Variants in RSF1 observed in about 807,000 individuals in gnomAD.
RSF1 encodes remodeling and spacing factor 1, also known as HBV pX-associated protein 8.
In RSF1, 13 loss-of-function variants were observed where a neutral mutation model predicts 145.2. The observed-to-expected ratio is 0.09, with a 90% confidence interval of 0.06 to 0.14. RSF1 has a LOEUF of 0.14. RSF1 is among the 10% of genes least tolerant of loss of function. RSF1 has a pLI of 1.00. For synonymous variants in RSF1, 577 were observed against 592.6 expected (o/e 0.97, Z 0.38); for missense variants, 1,517 against 1,718.2 (o/e 0.88, Z 2.07).
At chr11:77,749,442 T>C (rs561386160) in intron 2 of RSF1, among the ~76,000 whole-genome samples, 14 of 152,254 alleles carry the variant, frequency 9.2e-5, no homozygotes, top group African/African-American at 3.4e-4. Flanking sequence ...TGGCTGACTA[T>C]CCCAGAGGCT....
At chr11:77,675,342 C>T (rs1959673663) in intron 13 of RSF1, 86 bp from the exon 14 acceptor site, 1 of 972,142 alleles carries the variant, frequency 1.0e-6, no homozygotes, top group Non-Finnish European at 1.5e-6. Context: ...TTCTGGTGAG[C>T]CCAGTGAATC....
At position 77,663,782 on chromosome 11, in the gene RSF1, T is replaced by C. The variant is rs1451436422; in HGVS notation, c.*3135A>G. 1 of 152,248 alleles carries C rather than the reference T, an allele frequency of 6.6e-6. No individual in the cohort carries two copies. The highest frequency in any genetic ancestry group is 1.5e-5 in the Non-Finnish European group (1 of 68,038). The allele number at this position is 152,248 out of a possible 1,614,324, so 9.4% of individuals were successfully genotyped here. ...ACATATTTCAGTTCAAAGCTTCTGC[T>C]GTGTGAAAAGCTGACTAGTTTTCAA... On this transcript the variant is annotated 3_prime_UTR_variant, in exon 16 of 16. Transcript: ENST00000308488.
chr11:77,683,951 C>G, intron 10 of RSF1, 132 bp from the exon 11 acceptor site: 1 of 605,042 alleles, frequency 1.7e-6, no homozygotes, highest in East Asian at 2.8e-5. Context: ...TGATCCCCTC[C>G]AAAAGTGAAT....
chr11:77,790,876 C>T (rs948880953), intron 1 of RSF1, among the ~76,000 whole-genome samples: 1 of 152,168 alleles, frequency 6.6e-6, no homozygotes, highest in African/African-American at 2.4e-5. Flanking sequence ...GAGGGTATAG[C>T]CTCCTCCCTC....
intron 3 of RSF1, among the ~76,000 whole-genome samples, chr11:77,743,116 C>T (rs1023406754): frequency 1.3e-5 from 2 of 152,114 alleles, no homozygotes; most frequent in Non-Finnish European, 2.9e-5. Flanking sequence ...TGCTTTTTAC[C>T]AGTACCATGT....
intron 4 of RSF1, among the ~76,000 whole-genome samples, chr11:77,733,355 T>C (rs1381004111): frequency 1.3e-5 from 2 of 152,136 alleles, no homozygotes; most frequent in Non-Finnish European, 2.9e-5. Context: ...GCTATATATA[T>C]ATATATTCTT....
In RSF1 at chr11:77,684,996, T is replaced by TAAAA. The variant is rs1959966959; in HGVS notation, c.2955+108_2955+109insTTTT. 6 of 513,718 alleles carry TAAAA rather than the reference T, an allele frequency of 1.2e-5. No homozygotes were observed. In the South Asian group the frequency reaches 2.6e-4, roughly 22 times the overall value. The allele number at this position is 513,718 out of a possible 1,614,324, so 31.8% of individuals were successfully genotyped here. On this transcript the variant is annotated intron_variant, in intron 10 of 15. Transcript: ENST00000308488. ...GAACGAAACTCCATCTCGAAATAAA[T>TAAAA]AAATAAATAAATAAATAAATAAAAC...
rs950157501 is a variant in RSF1 at position 77,774,756 on chromosome 11, G to A, written c.188-10067C>T. The stretch of plus-strand genomic sequence containing the variant: ...AGCCTGGCCAACATGGTGAAACCCT[G>A]CTTCTTTCTTTTTTTTCTTTTTTTT... On this transcript the variant is annotated intron_variant, in intron 1 of 15. Coordinates refer to ENST00000308488, the MANE Select transcript of RSF1 (RefSeq NM_016578.4). Among the ~76,000 whole-genome samples the A allele has an allele frequency of 3.4e-5, 5 of 148,886 alleles. No individual in the cohort carries two copies. In the South Asian group the frequency reaches 1.1e-3, roughly 32 times the overall value.
intron 1 of RSF1, among the ~76,000 whole-genome samples, chr11:77,801,292 G>A (rs1302335702): frequency 6.6e-6 from 1 of 152,128 alleles, no homozygotes; most frequent in Non-Finnish European, 1.5e-5. Context: ...GCCGGGTGTG[G>A]TGGCACATGC....
chr11:77,687,192 C>T (rs1960032905), intron 9 of RSF1, among the ~76,000 whole-genome samples: 1 of 152,120 alleles, frequency 6.6e-6, no homozygotes, highest in Admixed American at 6.5e-5. Flanking sequence ...CACACACATA[C>T]TTGTATTCTA....
intron 1 of RSF1, among the ~76,000 whole-genome samples, chr11:77,801,811 G>C (rs1590895596): frequency 6.6e-6 from 1 of 152,016 alleles, no homozygotes. Flanking sequence ...AGAGCGAAGA[G>C]AGTCTGGAGA....
At chr11:77,870,184 A>AT in the RSF1 span, 116 of 143,484 alleles carry the variant, frequency 8.1e-4, no homozygotes, top group Middle Eastern at 3.5e-3. Flanking sequence ...ATTTAATTTA[A>AT]TTTTTTTTTT....
the RSF1 span, chr11:77,869,153 A>ACAT: frequency 4.1e-6 from 1 of 245,854 alleles, no homozygotes; most frequent in Non-Finnish European, 8.1e-6. Flanking sequence ...GGCCTAGAGG[A>ACAT]CATATATTGG....
chr11:77,701,785 T>C lies in RSF1; in HGVS notation c.1444A>G (p.Thr482Ala), dbSNP rs1447320282. Residue 482 changes from threonine (T) to alanine (A), a missense_variant, in exon 6 of 16, where the codon ACG becomes GCG. Around this residue, in one of 12 missense-constraint regions of RSF1, gnomAD observed 579 missense variants for 553.5 expected, o/e 1.05. Coordinates refer to ENST00000308488, the MANE Select transcript of RSF1 (RefSeq NM_016578.4). ...YSPSKDRNII[T>A]EGNGTESLNS... ...AAGGACTCTGTTCCATTTCCCTCCG[T>C]GATGATATTTCTGTCCTTAGAGGGG... 3.1e-6 allele frequency: 5 copies of C among 1,613,902 alleles called. No individual in the cohort carries two copies. The East Asian group carries it at 1.1e-4, about 36-fold the overall frequency.
At chr11:77,750,075 A>G (rs1200059797) in intron 2 of RSF1, among the ~76,000 whole-genome samples, 1 of 151,838 alleles carries the variant, frequency 6.6e-6, no homozygotes, top group African/African-American at 2.4e-5. Flanking sequence ...GGCAATTTAG[A>G]CATACTGCTG....
At chr11:77,858,850 G>A in the RSF1 span, among the ~76,000 whole-genome samples, 2 of 152,294 alleles carry the variant, frequency 1.3e-5, no homozygotes, top group Admixed American at 6.5e-5. Context: ...TTTGAAGAAC[G>A]ATTTGTAGTT....
At chr11:77,707,612 G>C (rs1960580378) in intron 5 of RSF1, among the ~76,000 whole-genome samples, 1 of 152,304 alleles carries the variant, frequency 6.6e-6, no homozygotes, top group Admixed American at 6.5e-5. Flanking sequence ...TCAAAAAGCA[G>C]TGAGATTTTT....
chr11:77,784,865 G>A (rs554018876), intron 1 of RSF1, among the ~76,000 whole-genome samples: 106 of 152,274 alleles, frequency 7.0e-4, no homozygotes, highest in African/African-American at 2.4e-3. Flanking sequence ...CTAGCGTTGT[G>A]GATTTTCACT....
the RSF1 span, among the ~76,000 whole-genome samples, chr11:77,870,799 C>T: frequency 6.6e-6 from 1 of 152,166 alleles, no homozygotes; most frequent in Non-Finnish European, 1.5e-5. Flanking sequence ...AATATATACA[C>T]ACTTACACAT....
Sources: allele counts gnomAD v4.1 joint callset (sites outside exome capture counted in the v4.1 genomes callset), GRCh38; gene constraint gnomAD v4.1.1; regional missense constraint gnomAD v4.1.1; transcripts MANE v1.5; gene names NCBI Gene and HGNC (gene_info 2026-07-23, HGNC 2026-07-21).